The following GNAO1 variants were observed in gnomAD, a reference collection of about 807,000 sequenced individuals.
GNAO1 encodes guanine nucleotide-binding protein G(o) subunit alpha.
For missense variants in GNAO1, 166 were observed against 478.7 expected (o/e 0.35, Z 6.10); for synonymous variants, 164 against 180.7 (o/e 0.91, Z 0.74).
intron 6 of GNAO1, chr16:56,345,447 G>A (rs757499980): frequency 1.8e-5 from 18 of 985,668 alleles, no homozygotes; most frequent in South Asian, 9.4e-5. Context: ...CCCCAGAGCC[G>A]GGAAGCACCA....
intron 2 of GNAO1, among the ~76,000 whole-genome samples, chr16:56,246,242 T>C (rs1465291769): frequency 6.6e-6 from 1 of 152,208 alleles, no homozygotes; most frequent in African/African-American, 2.4e-5. Context: ...AGGGCAGACA[T>C]GCAAGGCTCA....
At position 56,326,106 on chromosome 16, in the gene GNAO1, C is replaced by T. The variant is rs148493648; in HGVS notation, c.304-2525C>T. On this transcript the variant is annotated intron_variant, in intron 3 of 8. Coordinates refer to ENST00000262493, the MANE Select transcript of GNAO1 (RefSeq NM_020988.3). This position sits in a 1 kb window ranked among gnomAD's most constrained non-coding sequence, Gnocchi z 4.8. ...CCTGGGCTCCACAGGACTCAGGGTCCAGCACACTCCTGTCCTGGCCCTGTG... is the reference window on the plus strand; with the variant it reads ...CCTGGGCTCCACAGGACTCAGGGTCTAGCACACTCCTGTCCTGGCCCTGTG... Among the ~76,000 whole-genome samples the T allele has an allele frequency of 5.5e-3, 833 of 152,324 alleles. 7 individuals carry two copies. The highest frequency in any genetic ancestry group is 9.7e-3 in the Non-Finnish European group (661 of 68,020).
intron 3 of GNAO1, among the ~76,000 whole-genome samples, chr16:56,277,201 G>A (rs545260785): frequency 2.0e-5 from 3 of 152,374 alleles, no homozygotes; most frequent in South Asian, 2.1e-4. Context: ...CCAGCCTGCG[G>A]TGGAGAAGCT....
intron 2 of GNAO1, among the ~76,000 whole-genome samples, chr16:56,275,225 C>G (rs1244316244): frequency 6.6e-6 from 1 of 152,238 alleles, no homozygotes; most frequent in South Asian, 2.1e-4. Context: ...GCCCCTCCTT[C>G]TAGCTTTCTC....
At chr16:56,210,848 C>T (rs2036379727) in intron 2 of GNAO1, among the ~76,000 whole-genome samples, 1 of 152,154 alleles carries the variant, frequency 6.6e-6, no homozygotes, top group African/African-American at 2.4e-5. Flanking sequence ...CAAATATTTT[C>T]TCCTAACCTG....
intron 6 of GNAO1, among the ~76,000 whole-genome samples, chr16:56,350,103 G>A (rs1226692316): frequency 2.0e-5 from 3 of 152,250 alleles, no homozygotes; most frequent in African/African-American, 7.2e-5. Context: ...CCCTCCTTCT[G>A]CTCAGAGGGG....
intron 2 of GNAO1, among the ~76,000 whole-genome samples, chr16:56,198,040 C>T (rs2036249460): frequency 6.6e-6 from 1 of 151,672 alleles, no homozygotes; most frequent in Admixed American, 6.6e-5. Flanking sequence ...GGGGTGATTC[C>T]AAACTGAAAA....
chr16:56,298,347 C>T (rs960771510), intron 3 of GNAO1, among the ~76,000 whole-genome samples: 5 of 152,072 alleles, frequency 3.3e-5, no homozygotes, highest in Non-Finnish European at 7.4e-5. Flanking sequence ...TCAAACCAGG[C>T]GCATGCAGAG....
At chr16:56,297,933 C>T (rs537844378) in intron 3 of GNAO1, among the ~76,000 whole-genome samples, 2 of 152,260 alleles carry the variant, frequency 1.3e-5, no homozygotes, top group South Asian at 2.1e-4. Context: ...CTCTGGGAGG[C>T]AAAGGTGGGC....
intron 2 of GNAO1, among the ~76,000 whole-genome samples, chr16:56,209,848 C>T (rs1241807127): frequency 6.6e-6 from 1 of 152,052 alleles, no homozygotes; most frequent in South Asian, 2.1e-4. Context: ...CAGCAGTTCT[C>T]ACCAGAGGGC....
intron 2 of GNAO1, among the ~76,000 whole-genome samples, chr16:56,261,840 G>A (rs2143485079): frequency 1.3e-5 from 2 of 152,310 alleles, no homozygotes; most frequent in South Asian, 4.1e-4. Context: ...ACCGTCCGAT[G>A]CCCTGCTGCC....
At position 56,191,842 on chromosome 16, in the gene GNAO1, C is replaced by G. The variant is rs2443048; in HGVS notation, c.-394C>G. Reference sequence around the variant, plus strand: ...CGGCAGCAGGACCCACCCTGCCCCCCACCCCACCCTCTGTCGGCTCCGGCT... The same window carrying G: ...CGGCAGCAGGACCCACCCTGCCCCCGACCCCACCCTCTGTCGGCTCCGGCT... On this transcript the variant is annotated 5_prime_UTR_variant, in exon 1 of 9. Transcript: ENST00000262493. The surrounding 1 kb of genome is among the most constrained non-coding windows in gnomAD (Gnocchi z 4.7). 1 of 223,918 alleles carries G rather than the reference C, an allele frequency of 4.5e-6. No individual in the cohort carries two copies. Among genetic ancestry groups the G allele is most frequent in the Admixed American group, 5.5e-5 (1 of 18,250 alleles). 13.9% of individuals were successfully genotyped at this position (223,918 alleles called of 1,614,324 possible). A position where few individuals can be genotyped will look rare whatever the true frequency, so the allele number is the denominator to read the frequency against.
rs558499508 is a variant in GNAO1 at position 56,318,495 on chromosome 16, C to A, written c.304-10136C>A. Reference sequence around the variant, plus strand: ...CCCATTGGCCTGTGCACTCCTGCCCCCTGGTGGGTACAGGGACAACTACAG... The same window carrying A: ...CCCATTGGCCTGTGCACTCCTGCCCACTGGTGGGTACAGGGACAACTACAG... On this transcript the variant is annotated intron_variant, in intron 3 of 8. Transcript: ENST00000262493. Among the ~76,000 whole-genome samples the A allele has an allele frequency of 3.4e-3, 522 of 152,306 alleles. 2 individuals carry two copies. Among genetic ancestry groups the A allele is most frequent in the Non-Finnish European group, 4.9e-3 (335 of 68,022 alleles).
intron 2 of GNAO1, among the ~76,000 whole-genome samples, chr16:56,275,408 AC>A (rs1300869633): frequency 6.6e-6 from 1 of 152,188 alleles, no homozygotes; most frequent in Non-Finnish European, 1.5e-5. Context: ...AAGTAGGCAA[AC>A]CCTTTTATTG....
chr16:56,221,152 C>G (rs1334418160), intron 2 of GNAO1, among the ~76,000 whole-genome samples: 1 of 152,188 alleles, frequency 6.6e-6, no homozygotes, highest in East Asian at 1.9e-4. Context: ...GAAGGCCCCA[C>G]TAGACACTGA....
intron 2 of GNAO1, among the ~76,000 whole-genome samples, chr16:56,216,476 C>A (rs1476899907): frequency 6.6e-6 from 1 of 152,196 alleles, no homozygotes; most frequent in Admixed American, 6.5e-5. Flanking sequence ...TTCACATTTG[C>A]ACCAGGGAAG....
intron 3 of GNAO1, among the ~76,000 whole-genome samples, chr16:56,322,842 G>C (rs1312685398): frequency 2.6e-5 from 4 of 152,176 alleles, no homozygotes; most frequent in Non-Finnish European, 5.9e-5. Flanking sequence ...AGATAGGATT[G>C]AGTGAGAAAC....
intron 6 of GNAO1, chr16:56,345,054 C>T: frequency 1.0e-6 from 1 of 985,208 alleles, no homozygotes; most frequent in Non-Finnish European, 1.2e-6. Flanking sequence ...ACAAACACAC[C>T]CCCCTGTCCC....
At chr16:56,230,979 C>T (rs2036584285) in intron 2 of GNAO1, among the ~76,000 whole-genome samples, 1 of 152,166 alleles carries the variant, frequency 6.6e-6, no homozygotes, top group South Asian at 2.1e-4. Context: ...GTGTCTGTCC[C>T]TGTCAGGAGA....
Sources: allele counts gnomAD v4.1 joint callset (sites outside exome capture counted in the v4.1 genomes callset), GRCh38; gene constraint gnomAD v4.1.1; non-coding constraint Gnocchi (gnomAD v3.1); transcripts MANE v1.5; gene names NCBI Gene and HGNC (gene_info 2026-07-23, HGNC 2026-07-21).